TRMT11: variants seen among roughly 807,000 people sequenced by gnomAD.
TRMT11 encodes tRNA (guanine(10)-N(2))-methyltransferase TRMT11.
A neutral mutation model predicts 62.8 loss-of-function variants in TRMT11; 53 were observed. The ratio of observed to expected loss-of-function variants is 0.84; its 90% CI spans 0.68 to 1.06. The LOEUF (loss-of-function observed/expected upper bound fraction) is 1.06. Among genes scored for constraint, TRMT11 ranks in the 50% least tolerant of loss-of-function variants. The pLI, the probability that TRMT11 is intolerant of heterozygous loss-of-function variation, is 0.00. For synonymous variants in TRMT11, 188 were observed against 190.3 expected, an observed-to-expected ratio of 0.99 and a Z score of 0.10; for missense variants, 556 against 553.4, an observed-to-expected ratio of 1.00 and a Z score of -0.05.
chr6:125,991,194 C>T lies in TRMT11; in HGVS notation c.73-2563C>T, dbSNP rs555324696. Among the ~76,000 whole-genome samples the T allele has an allele frequency of 1.2e-4, 18 of 149,414 alleles. No homozygotes were observed. The South Asian group carries it at 3.2e-3, about 27-fold the overall frequency. ...CTGGGAGGTGGAGGTTGCAGTGAGC[C>T]GAGATCACACCATCGCACTCCAGCC... On this transcript the variant is annotated intron_variant, in intron 1 of 12. Coordinates refer to ENST00000334379, the MANE Select transcript of TRMT11 (RefSeq NM_001031712.3).
At chr6:125,986,739 C>T in intron 1 of TRMT11, 117 bp downstream of exon 1, 1 of 992,788 alleles carries the variant, frequency 1.0e-6, no homozygotes, top group East Asian at 2.7e-5. Flanking sequence ...CTTCGCTGGT[C>T]TGCGCGGGTC....
chr6:126,062,081 G>A (rs184605586), intron 17 of TRMT11, among the ~76,000 whole-genome samples: 3 of 152,220 alleles, frequency 2.0e-5, no homozygotes, highest in Admixed American at 2.0e-4. Context: ...ATAGAGATGA[G>A]GTTTTACTAT....
the TRMT11 span, among the ~76,000 whole-genome samples, chr6:126,253,997 T>C: frequency 1.3e-5 from 2 of 152,172 alleles, no homozygotes; most frequent in Non-Finnish European, 2.9e-5. Flanking sequence ...GGTCAAACAG[T>C]CTTATTACTT....
intron 17 of TRMT11, among the ~76,000 whole-genome samples, chr6:126,100,779 A>T (rs1239578119): frequency 6.6e-6 from 1 of 152,142 alleles, no homozygotes; most frequent in Non-Finnish European, 1.5e-5. Context: ...CTTTATTTTT[A>T]TTATTATTAC....
chr6:126,194,256 C>T (rs1040036912), intron 1 of TRMT11, among the ~76,000 whole-genome samples: 8 of 152,084 alleles, frequency 5.3e-5, no homozygotes, highest in African/African-American at 1.9e-4. Context: ...GTATTGAAGT[C>T]CCCTACTATT....
the TRMT11 span, among the ~76,000 whole-genome samples, chr6:126,232,877 A>G: frequency 6.6e-6 from 1 of 152,196 alleles, no homozygotes; most frequent in Non-Finnish European, 1.5e-5. Flanking sequence ...AAGTAGTCAT[A>G]ATTCAAAATG....
At chr6:126,234,103 C>T in the TRMT11 span, among the ~76,000 whole-genome samples, 21 of 152,118 alleles carry the variant, frequency 1.4e-4, 1 homozygote, top group African/African-American at 5.1e-4. Flanking sequence ...GTCAAACCTA[C>T]GTCTCTGTTG....
the TRMT11 span, among the ~76,000 whole-genome samples, chr6:126,251,954 C>A: frequency 6.6e-6 from 1 of 152,172 alleles, no homozygotes; most frequent in South Asian, 2.1e-4. Flanking sequence ...GAAGCCAGTA[C>A]AATGTCTGGC....
downstream of TRMT11, among the ~76,000 whole-genome samples, chr6:126,203,536 G>A (rs971233904): frequency 7.9e-5 from 12 of 152,164 alleles, no homozygotes; most frequent in African/African-American, 2.9e-4. Context: ...ATTTTATATT[G>A]TGATAAGTAA....
chr6:126,129,697 A>AT (rs1006624444), intron 21 of TRMT11, among the ~76,000 whole-genome samples: 8 of 151,806 alleles, frequency 5.3e-5, no homozygotes, highest in Admixed American at 3.3e-4. Flanking sequence ...TTTAAAAAAA[A>AT]TTTTTTTTAT....
chr6:126,174,708 A>G (rs1562340802), upstream of TRMT11, among the ~76,000 whole-genome samples: 1 of 152,218 alleles, frequency 6.6e-6, no homozygotes, highest in Admixed American at 6.5e-5. Context: ...TAGTTAAAGG[A>G]ATTTTTCTCT....
intron 7 of TRMT11, among the ~76,000 whole-genome samples, chr6:126,005,839 C>G (rs1793264693): frequency 6.6e-6 from 1 of 151,984 alleles, no homozygotes; most frequent in South Asian, 2.1e-4. Context: ...CTGATCCCCT[C>G]TCATCCCCTC....
the TRMT11 span, among the ~76,000 whole-genome samples, chr6:126,241,072 G>C: frequency 4.6e-5 from 7 of 152,328 alleles, no homozygotes; most frequent in African/African-American, 1.7e-4. Flanking sequence ...GCAGTATTAG[G>C]GTGGAAATGA....
intron 17 of TRMT11, among the ~76,000 whole-genome samples, chr6:126,053,958 T>C (rs1208979765): frequency 1.3e-5 from 2 of 152,016 alleles, no homozygotes; most frequent in African/African-American, 2.4e-5. Context: ...AAAAGCATAT[T>C]TGGGTAACAG....
the TRMT11 span, among the ~76,000 whole-genome samples, chr6:126,241,027 C>T: frequency 6.6e-6 from 1 of 152,220 alleles, no homozygotes; most frequent in South Asian, 2.1e-4. Flanking sequence ...GATATAATCT[C>T]CTGGTGTGCC....
intron 1 of TRMT11, among the ~76,000 whole-genome samples, chr6:126,197,633 T>C (rs746765711): frequency 1.3e-5 from 2 of 152,236 alleles, no homozygotes; most frequent in African/African-American, 2.4e-5. Context: ...ATACATTATA[T>C]ATCTGCATTG....
At chr6:126,260,433 C>T in the TRMT11 span, among the ~76,000 whole-genome samples, 1 of 152,072 alleles carries the variant, frequency 6.6e-6, no homozygotes, top group African/African-American at 2.4e-5. Flanking sequence ...TACTTCAAAC[C>T]TTTATATCAG....
the TRMT11 span, among the ~76,000 whole-genome samples, chr6:126,231,505 G>A: frequency 4.6e-5 from 7 of 152,060 alleles, no homozygotes; most frequent in Non-Finnish European, 7.4e-5. Context: ...TAAAGCTTCC[G>A]GTCAACAGTA....
chr6:126,229,210 A>T, the TRMT11 span, among the ~76,000 whole-genome samples: 32 of 152,318 alleles, frequency 2.1e-4, no homozygotes, highest in South Asian at 6.6e-3. Flanking sequence ...TTTTGTCTAG[A>T]TCTTTAAATA....
Sources: gnomAD v4.1 joint callset for allele counts (sites outside exome capture counted in the v4.1 genomes callset) on GRCh38, gnomAD v4.1.1 for gene constraint, MANE v1.5 for transcripts, NCBI Gene and HGNC (gene_info 2026-07-23, HGNC 2026-07-21) for gene names.